SYNE2: variants seen among roughly 807,000 people sequenced by gnomAD.
SYNE2 encodes the protein nesprin-2.
A neutral mutation model predicts 856.3 loss-of-function variants in SYNE2; 431 were observed. The observed-to-expected ratio is 0.50, with a 90% CI of 0.47 to 0.55. SYNE2 has a LOEUF of 0.55. SYNE2 is among the 20% of genes least tolerant of loss of function. The pLI is 0.00. For synonymous variants in SYNE2, 2,923 were observed against 2,872.3 expected, an observed-to-expected ratio of 1.02 and a Z score of -0.56; for missense variants, 8,129 against 8,023.2, an observed-to-expected ratio of 1.01 and a Z score of -0.50.
In SYNE2 at chr14:63,793,254, T is replaced by G. The variant is rs75652361; in HGVS notation, c.-305+31268T>G. ...ATGTCTTAAGGTATGGAAAAACAAA[T>G]TCATCTTTATGTCCACTTCTGCCTT... is the stretch of plus-strand genomic sequence containing the variant. On this transcript the variant is annotated intron_variant, in intron 1 of 23. Transcript: ENST00000674003. 5.7e-3 allele frequency among the ~76,000 whole-genome samples: 863 copies of G among 152,262 alleles called. 4 individuals are homozygous for G. Among genetic ancestry groups the G allele is most frequent in the African/African-American group, 0.019 (801 of 41,558 alleles).
intron 38 of SYNE2, chr14:64,023,900 C>T (rs372403549): frequency 7.0e-6 from 2 of 284,460 alleles, no homozygotes; most frequent in African/African-American, 4.4e-5. Context: ...ACAATTGATG[C>T]CCAAACCTTG....
In SYNE2 at chr14:64,081,527, C is replaced by T; in HGVS notation, c.11431C>T (p.Pro3811Ser). 2 of 1,614,154 alleles carry T rather than the reference C, an allele frequency of 1.2e-6. No individual in the cohort carries two copies. The highest frequency in any genetic ancestry group is 1.7e-6 in the Non-Finnish European group (2 of 1,180,010). ...IENTSHLLAN[P>S]ADYDSLRTLS... ...AAATACCAGTCATTTGCTGGCCAAT[C>T]CTGCTGACTATGACTCTTTGAGGAC... Residue 3811 changes from proline to serine, a missense_variant, in exon 57 of 116, where the codon CCT becomes TCT. Physicochemically the swap from Pro to Ser is moderately conservative, Grantham distance 74 (BLOSUM62 -1). Transcript: ENST00000555002.
chr14:63,885,506 G>A (rs138293197), intron 1 of SYNE2, among the ~76,000 whole-genome samples: 1 of 152,076 alleles, frequency 6.6e-6, no homozygotes, highest in Non-Finnish European at 1.5e-5. Flanking sequence ...TGTTTCCTAT[G>A]TTTTTTCCAA....
chr14:64,077,206 A>T (rs1338876436), intron 54 of SYNE2, among the ~76,000 whole-genome samples: 1 of 152,168 alleles, frequency 6.6e-6, no homozygotes, highest in Non-Finnish European at 1.5e-5. Context: ...GGACAGACAT[A>T]GTAACATTGT....
At chr14:64,084,081 C>T (rs1056574976) in intron 57 of SYNE2, among the ~76,000 whole-genome samples, 1 of 152,074 alleles carries the variant, frequency 6.6e-6, no homozygotes, top group Admixed American at 6.6e-5. Flanking sequence ...TGTGCCACCA[C>T]GCTGACCTTA....
intron 1 of SYNE2, among the ~76,000 whole-genome samples, chr14:63,789,544 G>T (rs750448577): frequency 1.8e-4 from 27 of 152,090 alleles, no homozygotes; most frequent in Non-Finnish European, 1.6e-4. Flanking sequence ...CACTTTGGGA[G>T]GCCAAGGCAG....
At chr14:64,048,848 G>A (rs1293761110) in intron 46 of SYNE2, 1 of 150,428 alleles carries the variant, frequency 6.6e-6, no homozygotes, top group Non-Finnish European at 1.5e-5. Flanking sequence ...GTTCAAGGTT[G>A]CAGTGAGGTG....
intron 99 of SYNE2, among the ~76,000 whole-genome samples, chr14:64,191,970 C>T (rs1267865971): frequency 6.6e-6 from 1 of 152,294 alleles, no homozygotes; most frequent in Admixed American, 6.5e-5. Flanking sequence ...GTGCTGTCTG[C>T]TGTGAGGATA....
At chr14:64,012,681 C>T (rs2096855895) in intron 32 of SYNE2, among the ~76,000 whole-genome samples, 2 of 152,130 alleles carry the variant, frequency 1.3e-5, no homozygotes, top group South Asian at 4.1e-4. Context: ...TATATGGGTA[C>T]TTCATATGTT....
intron 64 of SYNE2, among the ~76,000 whole-genome samples, chr14:64,103,519 G>A (rs1215387649): frequency 1.2e-4 from 18 of 152,076 alleles, no homozygotes. Flanking sequence ...TTTGCTCCCG[G>A]AAGATCTCTG....
At chr14:64,169,356 T>C (rs1340588896) in intron 93 of SYNE2, among the ~76,000 whole-genome samples, 1 of 152,242 alleles carries the variant, frequency 6.6e-6, no homozygotes, top group Non-Finnish European at 1.5e-5. Context: ...TTATTCCTAA[T>C]GTTCCCAGTA....
chr14:64,210,933 CTTCCTGTCTCTCTCTCCT>C (rs1436754777), intron 103 of SYNE2, among the ~76,000 whole-genome samples: 1 of 152,006 alleles, frequency 6.6e-6, no homozygotes, highest in Non-Finnish European at 1.5e-5. Context: ...CTCTCTCTCC[CTTCCTGTCTCTCTCTCCT>C]TTCCTGTCTC....
rs151256085 is a variant in SYNE2, at chr14:63,948,156, G to GACACACACACACACAC, written c.409-1660_409-1659insCACACACACACACACA. Among the ~76,000 whole-genome samples the GACACACACACACACAC allele has an allele frequency of 7.1e-4, 88 of 124,412 alleles. 2 individuals are homozygous for GACACACACACACACAC. Among genetic ancestry groups the GACACACACACACACAC allele is most frequent in the Middle Eastern group, 4.3e-3 (1 of 232 alleles). 81.6% of individuals were successfully genotyped at this position (124,412 alleles called of 152,430 possible). A position where few individuals can be genotyped will look rare whatever the true frequency, so the allele number is the denominator to read the frequency against. ...GTGCGTGCGCGCACATACACACACAGACACACACATACACACACACACACA... is the reference window on the plus strand; with the variant it reads ...GTGCGTGCGCGCACATACACACACAGACACACACACACACACACACACACATACACACACACACACA... On this transcript the variant is annotated intron_variant, in intron 6 of 115. Coordinates refer to ENST00000555002, the MANE Select transcript of SYNE2 (RefSeq NM_182914.3).
chr14:63,855,589 T>C (rs1238217118), intron 1 of SYNE2, among the ~76,000 whole-genome samples: 1 of 152,162 alleles, frequency 6.6e-6, no homozygotes, highest in Non-Finnish European at 1.5e-5. Context: ...CTGACCCCCT[T>C]CACTTCTTTA....
At chr14:64,027,195 T>C (rs1408905232) in intron 42 of SYNE2, among the ~76,000 whole-genome samples, 1 of 152,224 alleles carries the variant, frequency 6.6e-6, no homozygotes. Context: ...TGGGAAAATA[T>C]AATTAGTAGA....
intron 108 of SYNE2, among the ~76,000 whole-genome samples, chr14:64,217,686 A>C (rs769752098): frequency 6.6e-6 from 1 of 152,180 alleles, no homozygotes; most frequent in African/African-American, 2.4e-5. Context: ...GCCGGTTTCA[A>C]AATCTCAACC....
intron 82 of SYNE2, 102 bp downstream of exon 82, chr14:64,142,190 C>A (rs1381945488): frequency 7.2e-6 from 10 of 1,392,396 alleles, no homozygotes; most frequent in Non-Finnish European, 1.0e-5. Context: ...TTTCAAAAAA[C>A]TAATTCTAGG....
chr14:64,130,188 T>C lies in SYNE2; in HGVS notation c.14280T>C (p.His4760=), dbSNP rs1430457835. Residue 4760 remains histidine (H), a synonymous_variant, in exon 76 of 116, where the codon CAT becomes CAC. Coordinates refer to ENST00000555002, the MANE Select transcript of SYNE2 (RefSeq NM_182914.3). ...LVKIGKEKLA[H]GHLKQTKSKV... ...AGATTGGGAAGGAAAAGCTTGCTCA[T>C]GGCCACTTAAAACAAACCAAAAGTA... The C allele has an allele frequency of 1.2e-6, 2 of 1,613,950 alleles. No individual in the cohort carries two copies. The highest frequency in any genetic ancestry group is 2.2e-5 in the South Asian group (2 of 91,062).
At chr14:64,171,877 GTC>G (rs1426635400) in intron 94 of SYNE2, among the ~76,000 whole-genome samples, 1 of 152,162 alleles carries the variant, frequency 6.6e-6, no homozygotes, top group Non-Finnish European at 1.5e-5. Flanking sequence ...TTGGGACGGA[GTC>G]TCACTCTGTC....
Sources: allele counts gnomAD v4.1 joint callset (sites outside exome capture counted in the v4.1 genomes callset), GRCh38; gene constraint gnomAD v4.1.1; transcripts MANE v1.5; gene names NCBI Gene and HGNC (gene_info 2026-07-23, HGNC 2026-07-21).